Variants in ICE1 observed in about 807,000 individuals in gnomAD.
The protein encoded by ICE1 is interactor of little elongation complex ELL subunit 1.
ICE1 carries 64 observed loss-of-function variants against 192.7 expected under a neutral mutation model. The observed-to-expected ratio is 0.33, with a 90% CI of 0.27 to 0.41. The LOEUF is 0.41. ICE1 is among the 10% of genes least tolerant of loss of function. The probability of loss-of-function intolerance (pLI) is 1.00; values close to 1 mark genes in which losing one functional copy is unlikely to be tolerated. For missense variants in ICE1, 2,708 were observed against 2,696.0 expected, an observed-to-expected ratio of 1.00 and a Z score of -0.10; for synonymous variants, 1,010 against 984.5, an observed-to-expected ratio of 1.03 and a Z score of -0.49.
chr5:5,444,782 T>G (rs1481394834), intron 7 of ICE1, among the ~76,000 whole-genome samples: 1 of 152,208 alleles, frequency 6.6e-6, no homozygotes, highest in Non-Finnish European at 1.5e-5. Flanking sequence ...TTGTCCAGTT[T>G]GTACCTGATC....
rs1412012835 is a variant in ICE1, at chr5:5,435,666, T to G, written c.85-752T>G. 1.1e-4 allele frequency among the ~76,000 whole-genome samples: 13 copies of G among 118,504 alleles called. 1 individual carries two copies. The highest frequency in any genetic ancestry group is 4.3e-4 in the African/African-American group (13 of 30,032). The allele number at this position is 118,504 out of a possible 152,430, so 77.7% of individuals were successfully genotyped here. ...TTAGAGCCAAATTTGTGTTTTTTTT[T>G]TTTTTTGTTTTGTTTTTGTTTTTTT... On this transcript the variant is annotated intron_variant, in intron 1 of 18. Transcript: ENST00000296564.
At position 5,460,634 on chromosome 5, in the gene ICE1, G is replaced by T. The variant is rs1405469027; in HGVS notation, c.1300G>T (p.Val434Leu). The change falls in exon 13 of 19, where the codon GTA (valine) becomes TTA (leucine). Residue 434 changes from valine (V) to leucine (L), a missense_variant. Around this residue, in one of 2 missense-constraint regions of ICE1, gnomAD observed 2,366 missense variants for 2,276.6 expected, o/e 1.04. Coordinates refer to ENST00000296564, the MANE Select transcript of ICE1 (RefSeq NM_015325.3). ...TATCCAAGCTCTGAATACATGGGAA[G>T]TAAATAAAGTGACAACTTCTGGACT... ...EAIQALNTWE[V>L]NKVTTSGLET... The T allele has an allele frequency of 2.5e-6, 4 of 1,613,732 alleles. No homozygotes were observed. In the African/African-American group the frequency reaches 4.0e-5, roughly 16 times the overall value.
chr5:5,432,057 A>G (rs1007379914), intron 1 of ICE1, among the ~76,000 whole-genome samples: 1 of 152,104 alleles, frequency 6.6e-6, no homozygotes, highest in African/African-American at 2.4e-5. Context: ...TATAATTTAC[A>G]TATAAAATTC....
chr5:5,478,486 T>C (rs1431697774), intron 17 of ICE1, among the ~76,000 whole-genome samples: 1 of 152,238 alleles, frequency 6.6e-6, no homozygotes, highest in East Asian at 1.9e-4. Flanking sequence ...TTCATGCTCA[T>C]GGATAGGAAG....
chr5:5,476,074 TG>T lies in ICE1; in HGVS notation c.6516del (p.Ile2173LeufsTer4). On this transcript the variant is annotated frameshift_variant, in exon 17 of 19. Transcript: ENST00000296564. LOFTEE classifies it high-confidence loss of function. ...ATTATTATAGCCTCAATACTGAGGC[TG>T]ATTGGTAAGTTGTCTGTTTTATTAT... is the stretch of plus-strand genomic sequence containing the variant. ...PDIIIASILRLIGRLGQLGLK... is the reference protein window; with the variant it reads ...PDIIIASILRXIGRLGQLGLK... The T allele has an allele frequency of 1.9e-6, 3 of 1,558,168 alleles. No homozygotes were observed. Among genetic ancestry groups the T allele is most frequent in the Non-Finnish European group, 2.6e-6 (3 of 1,145,052 alleles).
At position 5,487,297 on chromosome 5, in the gene ICE1, A is replaced by G. The variant is rs572064015; in HGVS notation, c.6619+478A>G. On this transcript the variant is annotated intron_variant, in intron 18 of 18. Transcript: ENST00000296564. The stretch of plus-strand genomic sequence containing the variant: ...GCAAGGCTTCGTAGTGGGGATTTCT[A>G]TTATCATTTACGTATTGCATAGCAT... 4.6e-5 allele frequency among the ~76,000 whole-genome samples: 7 copies of G among 152,328 alleles called. No homozygotes were observed. In the South Asian group the frequency reaches 6.2e-4, roughly 14 times the overall value.
At chr5:5,424,945 G>A (rs747410593) in intron 1 of ICE1, among the ~76,000 whole-genome samples, 24 of 152,180 alleles carry the variant, frequency 1.6e-4, no homozygotes, top group African/African-American at 9.7e-5. Flanking sequence ...GGGTTTGGGC[G>A]ATGGAAATGG....
chr5:5,466,321 T>G lies in ICE1; in HGVS notation c.5893-13T>G. 6.3e-7 allele frequency: 1 copy of G among 1,582,270 alleles called. No homozygotes were observed. The highest frequency in any genetic ancestry group is 8.6e-7 in the Non-Finnish European group (1 of 1,167,482). On this transcript the variant is annotated splice_polypyrimidine_tract_variant and intron_variant, in intron 13 of 18. Transcript: ENST00000296564. ...GAGTGTACATTGCCTTTTTAATTTTTTTTTCAATCCAGCATTTAGCAGAGT... is the reference window on the plus strand; with the variant it reads ...GAGTGTACATTGCCTTTTTAATTTTGTTTTCAATCCAGCATTTAGCAGAGT...
At chr5:5,445,173 G>A (rs576497600) in intron 7 of ICE1, among the ~76,000 whole-genome samples, 72 of 152,186 alleles carry the variant, frequency 4.7e-4, no homozygotes, top group African/African-American at 1.6e-3. Context: ...AGTTACATCC[G>A]GGCACATAGA....
In ICE1 at chr5:5,437,081, A is replaced by G; in HGVS notation, c.145A>G (p.Asn49Asp). 1 of 1,508,692 alleles carries G rather than the reference A, an allele frequency of 6.6e-7. No individual in the cohort carries two copies. The highest frequency in any genetic ancestry group is 9.1e-7 in the Non-Finnish European group (1 of 1,104,836). 93.5% of individuals were successfully genotyped at this position (1,508,692 alleles called of 1,614,324 possible). A position where few individuals can be genotyped will look rare whatever the true frequency, so the allele number is the denominator to read the frequency against. The part of the protein sequence containing the change: ...TLKQKIINTD[N>D]LLTEYQKKCD... ...TAATTTTTCTTTTCTTTTTTGCAGTAATTTGTTAACAGAATATCAGAAGAA... is the reference window on the plus strand; with the variant it reads ...TAATTTTTCTTTTCTTTTTTGCAGTGATTTGTTAACAGAATATCAGAAGAA... The change falls in exon 3 of 19, where the codon AAT becomes GAT. Residue 49 changes from asparagine (N) to aspartate (D), a missense_variant and splice_region_variant. Transcript: ENST00000296564.
chr5:5,464,644 A>T lies in ICE1; in HGVS notation c.5310A>T (p.Lys1770Asn). 1 of 1,613,600 alleles carries T rather than the reference A, an allele frequency of 6.2e-7. No individual in the cohort carries two copies. The highest frequency in any genetic ancestry group is 1.3e-5 in the African/African-American group (1 of 75,016). Residue 1770 changes from lysine (K) to asparagine (N), a missense_variant, in exon 13 of 19, where the codon AAA becomes AAT. Physicochemically the swap from Lys to Asn is moderately conservative, Grantham distance 94. Transcript: ENST00000296564. This position sits in a 1 kb window ranked among gnomAD's most constrained non-coding sequence, Gnocchi z 4.0. The part of the protein sequence containing the change: ...SARARTLNIL[K>N]GNIQLTRGPP... ...GGGCCCGGACCCTCAACATCCTCAA[A>T]GGGAATATTCAACTCACACGAGGTC...
In ICE1 at chr5:5,457,524, A is replaced by G; in HGVS notation, c.884A>G (p.Asp295Gly). The stretch of plus-strand genomic sequence containing the variant: ...TCCAGTGGAACAAATTGTAGTTCTG[A>G]CCATGTTTTTAATGAGAATGGAAAT... ...QSSSGTNCSS[D>G]HVFNENGNLE... is the part of the protein sequence containing the mutation. The change falls in exon 12 of 19, where the codon GAC (aspartate) becomes GGC (glycine). Residue 295 changes from aspartate to glycine, a missense_variant. Asp to Gly is a moderately conservative substitution (Grantham distance 94). Coordinates refer to ENST00000296564, the MANE Select transcript of ICE1 (RefSeq NM_015325.3). 6.2e-7 allele frequency: 1 copy of G among 1,613,970 alleles called. No individual in the cohort carries two copies. Among genetic ancestry groups the G allele is most frequent in the Non-Finnish European group, 8.5e-7 (1 of 1,179,856 alleles).
At position 5,456,122 on chromosome 5, in the gene ICE1, T is replaced by C. The variant is rs151102193; in HGVS notation, c.692-1210T>C. Among the ~76,000 whole-genome samples, 719 of 152,334 alleles carry C rather than the reference T, an allele frequency of 4.7e-3. 6 individuals carry two copies. The highest frequency in any genetic ancestry group is 0.016 in the African/African-American group (682 of 41,572). ...TCACAGTGGTGCTGTTTCTCTTTGC[T>C]CAGGGAGTTGTTCTAGGGATAGGTG... On this transcript the variant is annotated intron_variant, in intron 11 of 18. Transcript: ENST00000296564.
chr5:5,457,798 T>C (rs1738634012), intron 12 of ICE1, 57 bp downstream of exon 12: 2 of 1,443,300 alleles, frequency 1.4e-6, no homozygotes, highest in East Asian at 2.3e-5. Flanking sequence ...TATCCTAATA[T>C]GTCCTTGATG....
chr5:5,424,164 A>G (rs530483483), intron 1 of ICE1, among the ~76,000 whole-genome samples: 6 of 152,298 alleles, frequency 3.9e-5, no homozygotes, highest in African/African-American at 1.4e-4. Flanking sequence ...CACACGGAAG[A>G]TGGTTGATGA....
At chr5:5,480,859 G>A (rs1057372245) in intron 17 of ICE1, among the ~76,000 whole-genome samples, 8 of 152,150 alleles carry the variant, frequency 5.3e-5, no homozygotes, top group Non-Finnish European at 1.2e-4. Flanking sequence ...CCAAATGATT[G>A]CCAAAGACTA....
chr5:5,456,580 C>T (rs979815655), intron 11 of ICE1, among the ~76,000 whole-genome samples: 1 of 152,106 alleles, frequency 6.6e-6, no homozygotes, highest in African/African-American at 2.4e-5. Flanking sequence ...TTCATAAATA[C>T]TCCATTTTTT....
chr5:5,463,000 A>G lies in ICE1; in HGVS notation c.3666A>G (p.Gln1222=). ...ASEIGEKYRK[Q]PCEEETLGTC... Reference sequence around the variant, plus strand: ...AAATAGGAGAAAAATACAGAAAGCAACCCTGTGAGGAAGAAACACTTGGAA... The same window carrying G: ...AAATAGGAGAAAAATACAGAAAGCAGCCCTGTGAGGAAGAAACACTTGGAA... The change falls in exon 13 of 19, where the codon CAA becomes CAG. Residue 1222 remains glutamine (Q), a synonymous_variant. Transcript: ENST00000296564. The G allele has an allele frequency of 1.2e-6, 2 of 1,613,718 alleles. No individual in the cohort carries two copies. Among genetic ancestry groups the G allele is most frequent in the South Asian group, 1.1e-5 (1 of 90,982 alleles).
chr5:5,434,012 A>G (rs749008326), intron 1 of ICE1, among the ~76,000 whole-genome samples: 5 of 152,180 alleles, frequency 3.3e-5, no homozygotes, highest in Non-Finnish European at 4.4e-5. Flanking sequence ...ATAGTGTTCA[A>G]TTACTTTTAT....
Sources: gnomAD v4.1 joint callset for allele counts (sites outside exome capture counted in the v4.1 genomes callset) on GRCh38, gnomAD v4.1.1 for gene constraint, gnomAD v4.1.1 regional missense constraint, Gnocchi (gnomAD v3.1) non-coding constraint, MANE v1.5 for transcripts, NCBI Gene and HGNC (gene_info 2026-07-23, HGNC 2026-07-21) for gene names.